The following UBR1 variants were observed in gnomAD, a reference collection of about 807,000 sequenced individuals.
The protein encoded by UBR1 is E3 ubiquitin-protein ligase UBR1.
In UBR1, 102 loss-of-function variants were observed where a neutral mutation model predicts 242.1. The ratio of observed to expected loss-of-function variants is 0.42; its 90% CI spans 0.36 to 0.50. The LOEUF is 0.50. Ranked by LOEUF, UBR1 falls within the 20% of genes least tolerant of loss-of-function variation. The probability of loss-of-function intolerance (pLI) is 0.01; values close to 1 mark genes in which losing one functional copy is unlikely to be tolerated. For missense variants in UBR1, 1,772 were observed against 2,101.8 expected (o/e 0.84, Z 3.07); for synonymous variants, 675 against 684.8 (o/e 0.99, Z 0.22).
intron 1 of UBR1, among the ~76,000 whole-genome samples, chr15:43,098,602 G>T (rs1411161480): frequency 1.3e-5 from 2 of 152,128 alleles, no homozygotes; most frequent in Admixed American, 1.3e-4. Context: ...TCATTTGCAG[G>T]ATGTTTGGTA....
intron 1 of UBR1, among the ~76,000 whole-genome samples, chr15:43,096,374 C>T (rs1453888792): frequency 1.3e-5 from 2 of 152,110 alleles, no homozygotes; most frequent in African/African-American, 4.8e-5. Flanking sequence ...GTTGGTCAGG[C>T]TGGTCTCAAA....
rs781667441 is a variant in UBR1 at position 43,105,941 on chromosome 15, C to T, written c.81+1G>A. 4 of 1,613,914 alleles carry T rather than the reference C, an allele frequency of 2.5e-6. No individual in the cohort carries two copies. In the Admixed American group the frequency reaches 6.7e-5, roughly 27 times the overall value. The stretch of plus-strand genomic sequence containing the variant: ...AAAGAGACTTGCCTATAGGGACTTA[C>T]AGATGCCAGACGCTGAGGGGTCTGG... On this transcript the variant is annotated splice_donor_variant, in intron 1 of 46. Transcript: ENST00000290650. LOFTEE classifies it high-confidence loss of function.
chr15:43,096,684 A>C (rs1486726585), intron 1 of UBR1, among the ~76,000 whole-genome samples: 1 of 152,184 alleles, frequency 6.6e-6, no homozygotes, highest in Admixed American at 6.5e-5. Flanking sequence ...TCTTCACCAA[A>C]AGTAGATTCC....
chr15:43,021,191 G>A lies in UBR1; in HGVS notation c.2940+84C>T, dbSNP rs1227645973. The A allele has an allele frequency of 4.8e-6, 5 of 1,048,690 alleles. No homozygotes were observed. In the African/African-American group the frequency reaches 7.8e-5, roughly 16 times the overall value. The allele number at this position is 1,048,690 out of a possible 1,614,324, so 65.0% of individuals were successfully genotyped here. A position where few individuals can be genotyped will look rare whatever the true frequency, so the allele number is the denominator to read the frequency against. On this transcript the variant is annotated intron_variant, in intron 27 of 46. Coordinates refer to ENST00000290650, the MANE Select transcript of UBR1 (RefSeq NM_174916.3). ...AAAACCAGTAGTAAATGTCTACAAT[G>A]GTACAGTGGTTTAACACTGGAGGCA... is the stretch of plus-strand genomic sequence containing the variant.
chr15:42,978,199 C>G (rs745854573), intron 37 of UBR1, among the ~76,000 whole-genome samples: 2 of 152,144 alleles, frequency 1.3e-5, no homozygotes, highest in South Asian at 4.1e-4. Flanking sequence ...TGAACTAGGA[C>G]AACTGAAATA....
At position 42,993,741 on chromosome 15, in the gene UBR1, G is replaced by A. The variant is rs148174299; in HGVS notation, c.3758-3621C>T. ...GGCAACCAACTACTCAGGAGGCTGAGGCACGAGAATTGCTTACACCTGGGA... is the reference window on the plus strand; with the variant it reads ...GGCAACCAACTACTCAGGAGGCTGAAGCACGAGAATTGCTTACACCTGGGA... On this transcript the variant is annotated intron_variant, in intron 33 of 46. Transcript: ENST00000290650. Among the ~76,000 whole-genome samples, 1,245 of 152,102 alleles carry A rather than the reference G, an allele frequency of 8.2e-3. 16 individuals carry two copies. The highest frequency in any genetic ancestry group is 0.027 in the African/African-American group (1,126 of 41,466).
Position 43,016,719 on chromosome 15 carries a change from T to C in UBR1, c.3027+376A>G, listed in dbSNP as rs749031086. ...AGCCTCCCGAGTAGCTGGGACTACA[T>C]GAGCAAGCCACCACATTGGGCTAAT... On this transcript the variant is annotated intron_variant, in intron 28 of 46. Transcript: ENST00000290650. Among the ~76,000 whole-genome samples the C allele has an allele frequency of 2.4e-3, 365 of 152,204 alleles. 3 individuals carry two copies. Among genetic ancestry groups the C allele is most frequent in the Admixed American group, 3.5e-3 (54 of 15,272 alleles).
chr15:43,074,838 A>G, intron 4 of UBR1, 141 bp downstream of exon 4: 2 of 683,306 alleles, frequency 2.9e-6, no homozygotes, highest in East Asian at 2.6e-5. Flanking sequence ...CTTTGGAGCT[A>G]GAAAAAAAGC....
intron 37 of UBR1, among the ~76,000 whole-genome samples, chr15:42,979,864 T>C (rs1185311854): frequency 1.3e-5 from 2 of 152,138 alleles, no homozygotes; most frequent in Admixed American, 1.3e-4. Context: ...GGTCAACATA[T>C]GAATTTAAAG....
chr15:43,062,690 C>T (rs2033703585), intron 6 of UBR1, among the ~76,000 whole-genome samples: 1 of 152,158 alleles, frequency 6.6e-6, no homozygotes, highest in African/African-American at 2.4e-5. Context: ...AAGCTCACTA[C>T]AGCCTTGAAC....
intron 1 of UBR1, among the ~76,000 whole-genome samples, chr15:43,104,233 C>A (rs1040214452): frequency 2.0e-5 from 3 of 152,138 alleles, no homozygotes. Flanking sequence ...GTATCATTAT[C>A]TCCAATTCCA....
At chr15:43,040,864 G>A (rs1426836253) in intron 15 of UBR1, among the ~76,000 whole-genome samples, 1 of 152,192 alleles carries the variant, frequency 6.6e-6, no homozygotes, top group African/African-American at 2.4e-5. Flanking sequence ...CTGGCCATCA[G>A]AGAAATGCAA....
chr15:43,100,572 C>T (rs928902671), intron 1 of UBR1, among the ~76,000 whole-genome samples: 1 of 152,164 alleles, frequency 6.6e-6, no homozygotes, highest in African/African-American at 2.4e-5. Context: ...CATGGTGGCT[C>T]ATACCTGTAA....
rs2032104036 is a variant in UBR1, at chr15:42,966,251, C to T, written c.4493G>A (p.Trp1498Ter). The T allele has an allele frequency of 6.2e-7, 1 of 1,613,980 alleles. No homozygotes were observed. Among genetic ancestry groups the T allele is most frequent in the African/African-American group, 1.3e-5 (1 of 74,896 alleles). ...GGTGATGCCATTCTTCAGTGAGACC[C>T]ACAAATACCAGCCAGGAATATCACA... ...IGCDIPGWYL[W>*]VSLKNGITPY... is the part of the protein sequence containing the mutation. Residue 1498 changes from tryptophan to a stop codon, truncating the protein, a stop_gained, in exon 41 of 47, where the codon TGG becomes TAG. Coordinates refer to ENST00000290650, the MANE Select transcript of UBR1 (RefSeq NM_174916.3). LOFTEE classifies it high-confidence loss of function.
intron 33 of UBR1, 30 bp downstream of exon 33, chr15:42,998,138 A>G: frequency 6.4e-7 from 1 of 1,558,104 alleles, no homozygotes; most frequent in Non-Finnish European, 8.8e-7. Flanking sequence ...CCATCTTCAC[A>G]TAGCTAATAT....
At chr15:43,056,281 G>T in intron 11 of UBR1, 63 bp downstream of exon 11, 1 of 1,236,706 alleles carries the variant, frequency 8.1e-7, no homozygotes, top group Non-Finnish European at 1.2e-6. Context: ...ACATTAAGTG[G>T]AATTCTTACA....
chr15:42,953,207 G>A (rs2031863360), intron 44 of UBR1, among the ~76,000 whole-genome samples: 1 of 152,164 alleles, frequency 6.6e-6, no homozygotes, highest in African/African-American at 2.4e-5. Flanking sequence ...TATGCTGGAG[G>A]CGTGCTATAA....
intron 1 of UBR1, among the ~76,000 whole-genome samples, chr15:43,104,825 C>T (rs985936019): frequency 4.6e-5 from 7 of 151,754 alleles, no homozygotes; most frequent in African/African-American, 7.3e-5. Context: ...CATGGTGAAA[C>T]CCCGTCTCTA....
intron 3 of UBR1, among the ~76,000 whole-genome samples, chr15:43,078,676 T>TA (rs1380755428): frequency 1.3e-5 from 2 of 151,994 alleles, no homozygotes; most frequent in Admixed American, 6.6e-5. Flanking sequence ...GTATCAGAAA[T>TA]AGAAAAACTG....
Sources: gnomAD v4.1 joint callset for allele counts (sites outside exome capture counted in the v4.1 genomes callset) on GRCh38, gnomAD v4.1.1 for gene constraint, MANE v1.5 for transcripts, NCBI Gene and HGNC (gene_info 2026-07-23, HGNC 2026-07-21) for gene names.